PDE4D: variants seen among roughly 807,000 people sequenced by gnomAD.
PDE4D encodes the protein phosphodiesterase 4D, also known as 3',5'-cyclic-AMP phosphodiesterase 4D.
Under a neutral mutation model 87.4 loss-of-function variants are expected in PDE4D, and 24 were observed. The observed-to-expected ratio is 0.27, with a 90% CI of 0.20 to 0.39. PDE4D has a LOEUF of 0.39. Ranked by LOEUF, PDE4D falls within the 10% of genes least tolerant of loss-of-function variation. PDE4D has a pLI of 1.00. For synonymous variants in PDE4D, 384 were observed against 383.2 expected, an observed-to-expected ratio of 1.00 and a Z score of -0.02; for missense variants, 714 against 1,041.0, an observed-to-expected ratio of 0.69 and a Z score of 4.32.
At chr5:59,731,845 C>T (rs1757402883) in intron 1 of PDE4D, among the ~76,000 whole-genome samples, 3 of 152,186 alleles carry the variant, frequency 2.0e-5, no homozygotes, top group Admixed American at 2.0e-4. Flanking sequence ...TGTAAGTCAT[C>T]TAAGTCAGCT....
At chr5:59,998,527 A>G (rs1358207631) in intron 2 of PDE4D, among the ~76,000 whole-genome samples, 4 of 152,210 alleles carry the variant, frequency 2.6e-5, no homozygotes, top group Admixed American at 6.5e-5. Flanking sequence ...AGAAATAAGT[A>G]GAACTTAGAT....
chr5:60,251,280 G>T (rs980511936), intron 1 of PDE4D, among the ~76,000 whole-genome samples: 1 of 151,454 alleles, frequency 6.6e-6, no homozygotes, highest in Admixed American at 6.6e-5. Flanking sequence ...TGTCATGGGG[G>T]TTTGGTGTAC....
chr5:59,286,198 G>T (rs1014914940), intron 1 of PDE4D, among the ~76,000 whole-genome samples: 2 of 152,186 alleles, frequency 1.3e-5, no homozygotes, highest in African/African-American at 2.4e-5. Flanking sequence ...ATCTGAAGAT[G>T]ACAGGATGAA....
chr5:58,986,522 G>A (rs1461930282), intron 11 of PDE4D, among the ~76,000 whole-genome samples: 1 of 152,156 alleles, frequency 6.6e-6, no homozygotes, highest in Non-Finnish European at 1.5e-5. Context: ...CCTGAGCTCC[G>A]CCTCCTGTCA....
At chr5:59,053,543 G>T (rs926052090) in intron 5 of PDE4D, among the ~76,000 whole-genome samples, 11 of 150,992 alleles carry the variant, frequency 7.3e-5, no homozygotes, top group African/African-American at 2.7e-4. Context: ...TTATATGTGT[G>T]TCCTTCTGAA....
At chr5:59,192,077 G>A (rs768423180) in intron 3 of PDE4D, among the ~76,000 whole-genome samples, 6 of 152,044 alleles carry the variant, frequency 3.9e-5, no homozygotes, top group Non-Finnish European at 8.8e-5. Context: ...TTAATTGCCT[G>A]CATTAATTTA....
At chr5:60,303,701 TG>T (rs892128435) in intron 1 of PDE4D, among the ~76,000 whole-genome samples, 4 of 152,212 alleles carry the variant, frequency 2.6e-5, no homozygotes, top group African/African-American at 9.6e-5. Context: ...TTGCGAGGCG[TG>T]TTTTACTTCC....
chr5:60,165,654 CTATT>C lies in PDE4D; in HGVS notation c.42+19899_42+19902del, dbSNP rs1375321247. On this transcript the variant is annotated intron_variant, in intron 2 of 16. Transcript: ENST00000502484. ...GAATCCATGAACATGAAATATCTTT[CTATT>C]TATTTGTGTGTTCAATTTTATATCT... 3.3e-5 allele frequency among the ~76,000 whole-genome samples: 5 copies of C among 150,676 alleles called. No individual in the cohort carries two copies. In the East Asian group the frequency reaches 9.7e-4, roughly 29 times the overall value.
At chr5:58,978,867 T>C (rs1185516102) in intron 11 of PDE4D, among the ~76,000 whole-genome samples, 5 of 152,208 alleles carry the variant, frequency 3.3e-5, no homozygotes, top group African/African-American at 1.2e-4. Flanking sequence ...GGTAAGCATA[T>C]AGAAATGAAA....
chr5:59,312,968 C>T (rs940868635), intron 1 of PDE4D, among the ~76,000 whole-genome samples: 1 of 152,054 alleles, frequency 6.6e-6, no homozygotes, highest in East Asian at 1.9e-4. Context: ...CACAGCCTGC[C>T]CTCTTTGTGA....
intron 1 of PDE4D, among the ~76,000 whole-genome samples, chr5:59,261,023 T>G (rs1761909682): frequency 6.6e-6 from 1 of 151,686 alleles, no homozygotes; most frequent in East Asian, 1.9e-4. Flanking sequence ...GAACTGGAGC[T>G]GCTGTAACTG....
intron 1 of PDE4D, among the ~76,000 whole-genome samples, chr5:59,630,176 A>T (rs1320605618): frequency 6.6e-6 from 1 of 152,214 alleles, no homozygotes; most frequent in African/African-American, 2.4e-5. Flanking sequence ...GCATATGCAC[A>T]CATACGCACA....
chr5:60,012,899 C>G (rs1765149927), intron 2 of PDE4D, among the ~76,000 whole-genome samples: 1 of 152,164 alleles, frequency 6.6e-6, no homozygotes, highest in African/African-American at 2.4e-5. Flanking sequence ...TCAAGATCTG[C>G]CCACATGCTG....
chr5:59,426,979 T>A (rs1795319533), intron 1 of PDE4D, among the ~76,000 whole-genome samples: 1 of 149,498 alleles, frequency 6.7e-6, no homozygotes, highest in Admixed American at 6.7e-5. Context: ...TTTCTCCTCC[T>A]TTCTACAACT....
intron 2 of PDE4D, among the ~76,000 whole-genome samples, chr5:59,212,737 A>G (rs965857134): frequency 1.1e-4 from 17 of 152,004 alleles, no homozygotes; most frequent in Non-Finnish European, 2.5e-4. Flanking sequence ...CCACTAACTC[A>G]CTGTGAGTTT....
intron 1 of PDE4D, among the ~76,000 whole-genome samples, chr5:60,507,709 C>A (rs1750385970): frequency 6.6e-6 from 1 of 152,096 alleles, no homozygotes; most frequent in African/African-American, 2.4e-5. Context: ...AAGACACCAC[C>A]CCAAATAGAA....
In PDE4D at chr5:59,609,258, T is replaced by C. The variant is rs899780521; in HGVS notation, c.455+283910A>G. Among the ~76,000 whole-genome samples the C allele has an allele frequency of 3.3e-5, 5 of 152,006 alleles. No homozygotes were observed. The East Asian group carries it at 9.7e-4, about 29-fold the overall frequency. ...GTCACCATTCTCAGTTCTCCCTCTTTAAGGCACATGGCAAGATTGCACTTT... is the reference window on the plus strand; with the variant it reads ...GTCACCATTCTCAGTTCTCCCTCTTCAAGGCACATGGCAAGATTGCACTTT... On this transcript the variant is annotated intron_variant, in intron 1 of 14. Transcript: ENST00000340635.
At chr5:59,445,003 A>G (rs576550671) in intron 1 of PDE4D, among the ~76,000 whole-genome samples, 2 of 152,152 alleles carry the variant, frequency 1.3e-5, no homozygotes, top group Non-Finnish European at 2.9e-5. Context: ...GTTAGGAAAA[A>G]GTAAATCTGC....
chr5:60,025,157 A>G (rs931536775), intron 2 of PDE4D, among the ~76,000 whole-genome samples: 1 of 152,234 alleles, frequency 6.6e-6, no homozygotes, highest in Non-Finnish European at 1.5e-5. Context: ...GATGTAAATG[A>G]TGTAACTACT....
Sources: allele counts gnomAD v4.1 joint callset (sites outside exome capture counted in the v4.1 genomes callset), GRCh38; gene constraint gnomAD v4.1.1; transcripts MANE v1.5; gene names NCBI Gene and HGNC (gene_info 2026-07-23, HGNC 2026-07-21).